Variants in SORCS2 observed in about 807,000 individuals in gnomAD.
SORCS2 encodes VPS10 domain-containing receptor SorCS2.
Under a neutral mutation model 141.6 loss-of-function variants are expected in SORCS2, and 100 were observed. That is an observed-to-expected ratio of 0.71 (90% CI 0.60 to 0.83). The LOEUF (loss-of-function observed/expected upper bound fraction) is 0.83. SORCS2 is among the 40% of genes least tolerant of loss of function. The pLI, the probability that SORCS2 is intolerant of heterozygous loss-of-function variation, is 0.00. For synonymous variants in SORCS2, 789 were observed against 676.9 expected, an observed-to-expected ratio of 1.17 and a Z score of -2.57; for missense variants, 1,646 against 1,560.2, an observed-to-expected ratio of 1.05 and a Z score of -0.93.
At chr4:7,319,242 A>G (rs1256377726) in intron 1 of SORCS2, among the ~76,000 whole-genome samples, 1 of 152,150 alleles carries the variant, frequency 6.6e-6, no homozygotes, top group Non-Finnish European at 1.5e-5. Flanking sequence ...GAAGAGCTAT[A>G]AATAATATTA....
chr4:7,253,833 A>G (rs1422563921), intron 1 of SORCS2, among the ~76,000 whole-genome samples: 5 of 152,200 alleles, frequency 3.3e-5, no homozygotes, highest in Non-Finnish European at 7.3e-5. Flanking sequence ...CCGTGGATGG[A>G]ATTTGCCTCT....
intron 1 of SORCS2, among the ~76,000 whole-genome samples, chr4:7,394,784 G>C (rs1724097863): frequency 6.6e-6 from 1 of 152,088 alleles, no homozygotes; most frequent in Non-Finnish European, 1.5e-5. Context: ...GTGCCCTCCA[G>C]AGCCGAGCTC....
chr4:7,458,647 C>G (rs1031511867), intron 2 of SORCS2, among the ~76,000 whole-genome samples: 1 of 152,218 alleles, frequency 6.6e-6, no homozygotes, highest in African/African-American at 2.4e-5. Flanking sequence ...GCTCATCAAA[C>G]TTGACCTGAG....
intron 2 of SORCS2, chr4:7,431,801 G>T (rs777388713): frequency 6.6e-6 from 1 of 152,212 alleles, no homozygotes; most frequent in Non-Finnish European, 1.5e-5. Context: ...TTCCTGGGGC[G>T]GTGGCCCAGG....
intron 19 of SORCS2, among the ~76,000 whole-genome samples, chr4:7,724,853 G>GTTA (rs76715460): frequency 0.27 from 2,376 of 8,794 alleles, 125 homozygotes; most frequent in Middle Eastern, 0.33. Flanking sequence ...GATGGTGGTA[G>GTTA]TGGTGATGGT....
chr4:7,545,404 T>A (rs1004705838), intron 3 of SORCS2, among the ~76,000 whole-genome samples: 1 of 152,176 alleles, frequency 6.6e-6, no homozygotes, highest in African/African-American at 2.4e-5. Context: ...AGACTTACCA[T>A]GTGCTGGGTG....
At chr4:7,307,578 G>A (rs1189666322) in intron 1 of SORCS2, among the ~76,000 whole-genome samples, 1 of 152,242 alleles carries the variant, frequency 6.6e-6, no homozygotes, top group African/African-American at 2.4e-5. Context: ...CATGCCTGTC[G>A]AGCTTGGCAG....
chr4:7,247,255 C>T (rs1713159263), intron 1 of SORCS2, among the ~76,000 whole-genome samples: 1 of 151,988 alleles, frequency 6.6e-6, no homozygotes, highest in South Asian at 2.1e-4. Flanking sequence ...TTCATTGCAG[C>T]CCAATGTGAC....
At chr4:7,576,913 G>T (rs113292404) in intron 3 of SORCS2, among the ~76,000 whole-genome samples, 6 of 152,204 alleles carry the variant, frequency 3.9e-5, no homozygotes, top group African/African-American at 1.4e-4. Context: ...TCTGGAAATG[G>T]GGCCGGGTTA....
intron 2 of SORCS2, among the ~76,000 whole-genome samples, chr4:7,523,577 A>G (rs948447009): frequency 1.3e-5 from 2 of 151,844 alleles, no homozygotes; most frequent in Non-Finnish European, 2.9e-5. Context: ...GCTGTCTGAT[A>G]TGGGGTGGTG....
At chr4:7,364,044 G>A (rs201106024) in intron 1 of SORCS2, among the ~76,000 whole-genome samples, 36 of 143,744 alleles carry the variant, frequency 2.5e-4, no homozygotes, top group South Asian at 2.0e-3. Flanking sequence ...TACCATCACC[G>A]TCACCATAAC....
intron 1 of SORCS2, among the ~76,000 whole-genome samples, chr4:7,215,053 C>T (rs938327564): frequency 2.6e-5 from 4 of 152,228 alleles, no homozygotes; most frequent in Admixed American, 6.5e-5. Context: ...TTCAGCCCAC[C>T]GCTGCACTGT....
At chr4:7,419,145 T>C (rs1347328379) in intron 2 of SORCS2, among the ~76,000 whole-genome samples, 2 of 152,226 alleles carry the variant, frequency 1.3e-5, no homozygotes, top group African/African-American at 2.4e-5. Flanking sequence ...CAAATGGGTG[T>C]GGATACAGGG....
At chr4:7,647,668 C>G (rs1450746087) in intron 4 of SORCS2, among the ~76,000 whole-genome samples, 1 of 152,182 alleles carries the variant, frequency 6.6e-6, no homozygotes, top group Non-Finnish European at 1.5e-5. Context: ...TGAGGAAGAT[C>G]CAGTTCTGAT....
At chr4:7,575,930 A>G (rs1172639878) in intron 3 of SORCS2, among the ~76,000 whole-genome samples, 1 of 152,210 alleles carries the variant, frequency 6.6e-6, no homozygotes, top group Admixed American at 6.5e-5. Context: ...TTGACAACTG[A>G]ATGATCTGAG....
intron 10 of SORCS2, among the ~76,000 whole-genome samples, chr4:7,687,837 C>A (rs1254053879): frequency 6.6e-6 from 1 of 152,156 alleles, no homozygotes; most frequent in Non-Finnish European, 1.5e-5. Flanking sequence ...ATTTTCACCA[C>A]CCAAAAAAGG....
intron 13 of SORCS2, 39 bp from the exon 14 acceptor site, chr4:7,704,138 C>T: frequency 1.3e-6 from 2 of 1,579,374 alleles, no homozygotes; most frequent in Non-Finnish European, 1.7e-6. Flanking sequence ...GGGAGCTTTC[C>T]AGCCCACCCC....
intron 2 of SORCS2, among the ~76,000 whole-genome samples, chr4:7,404,825 A>AT (rs1192706301): frequency 6.6e-6 from 1 of 151,742 alleles, no homozygotes; most frequent in Non-Finnish European, 1.5e-5. Flanking sequence ...GCTGTTGGTT[A>AT]TTTCTTTTGC....
At chr4:7,592,322 T>G (rs1346818128) in intron 3 of SORCS2, among the ~76,000 whole-genome samples, 2 of 152,224 alleles carry the variant, frequency 1.3e-5, no homozygotes, top group African/African-American at 4.8e-5. Context: ...AGGCCGGTTC[T>G]ACAGTTGCCT....
Sources: gnomAD v4.1 joint callset for allele counts (sites outside exome capture counted in the v4.1 genomes callset) on GRCh38, gnomAD v4.1.1 for gene constraint, MANE v1.5 for transcripts, NCBI Gene and HGNC (gene_info 2026-07-23, HGNC 2026-07-21) for gene names.